Variants in CPM observed in about 807,000 individuals in gnomAD.
CPM encodes the protein renal carboxypeptidase.
In CPM, 35 loss-of-function variants were observed where a neutral mutation model predicts 46.4. The observed-to-expected ratio is 0.75, with a 90% CI of 0.58 to 1.00. CPM has a LOEUF of 1.00. CPM is among the 50% of genes least tolerant of loss of function. The probability of loss-of-function intolerance (pLI) is 0.00; values close to 1 mark genes in which losing one functional copy is unlikely to be tolerated. For missense variants in CPM, 422 were observed against 530.4 expected (o/e 0.80, Z 2.01); for synonymous variants, 195 against 195.3 (o/e 1.00, Z 0.01).
At chr12:68,890,443 T>A (rs546970144) in intron 2 of CPM, among the ~76,000 whole-genome samples, 1 of 152,142 alleles carries the variant, frequency 6.6e-6, no homozygotes, top group Non-Finnish European at 1.5e-5. Context: ...AAGCACTTTA[T>A]GTTATTTGAT....
At chr12:68,849,401 TG>T (rs66580822), downstream of CPM, 46,455 of 137,194 alleles carry the variant, frequency 0.34, 8,213 homozygotes, top group East Asian at 0.55. Flanking sequence ...TTTTTTTTTT[TG>T]TTGTTGTTGT....
chr12:68,883,741 C>G (rs913239059), intron 3 of CPM, among the ~76,000 whole-genome samples: 1 of 152,026 alleles, frequency 6.6e-6, no homozygotes. Context: ...GCTGGAACCT[C>G]TGAAATGCCA....
intron 6 of CPM, among the ~76,000 whole-genome samples, chr12:68,867,836 G>A (rs1429746201): frequency 1.3e-5 from 2 of 152,312 alleles, no homozygotes; most frequent in East Asian, 3.9e-4. Context: ...CTTTCAAAGG[G>A]TTTGTTTTAA....
intron 3 of CPM, among the ~76,000 whole-genome samples, chr12:68,883,435 C>G (rs1162763033): frequency 2.0e-5 from 3 of 152,124 alleles, no homozygotes; most frequent in African/African-American, 7.2e-5. Context: ...TTACTAGCCC[C>G]ATAGAGCCCC....
At chr12:68,953,277 G>A (rs1888964445) in intron 1 of CPM, among the ~76,000 whole-genome samples, 1 of 151,790 alleles carries the variant, frequency 6.6e-6, no homozygotes, top group Non-Finnish European at 1.5e-5. Context: ...AGGAATGGAA[G>A]AACCCAAGGA....
At chr12:68,950,854 C>T (rs1445448911) in intron 1 of CPM, among the ~76,000 whole-genome samples, 2 of 152,184 alleles carry the variant, frequency 1.3e-5, no homozygotes, top group Non-Finnish European at 2.9e-5. Context: ...AGCTCTTCCC[C>T]ACAGGCTCCA....
chr12:68,859,793 G>A (rs1289376500), intron 7 of CPM, among the ~76,000 whole-genome samples: 1 of 152,114 alleles, frequency 6.6e-6, no homozygotes, highest in Non-Finnish European at 1.5e-5. Flanking sequence ...TGATAGTCTC[G>A]ACAGCCCCTC....
chr12:68,936,653 G>A (rs1031110762), upstream of CPM, among the ~76,000 whole-genome samples: 2 of 152,106 alleles, frequency 1.3e-5, no homozygotes, highest in African/African-American at 4.8e-5. Context: ...CAGAGTGCTG[G>A]GATTACAGGT....
At chr12:68,902,768 G>A (rs1201400477) in intron 2 of CPM, among the ~76,000 whole-genome samples, 1 of 152,162 alleles carries the variant, frequency 6.6e-6, no homozygotes, top group African/African-American at 2.4e-5. Context: ...GCTTTGAACT[G>A]TGTTTTCGTT....
At chr12:68,857,699 CA>C (rs1885039248) in intron 8 of CPM, among the ~76,000 whole-genome samples, 1 of 152,204 alleles carries the variant, frequency 6.6e-6, no homozygotes, top group Admixed American at 6.5e-5. Flanking sequence ...TTTCAATGTC[CA>C]GAGTCTTACC....
intron 2 of CPM, among the ~76,000 whole-genome samples, chr12:68,887,435 A>C (rs1886480707): frequency 6.6e-6 from 1 of 152,202 alleles, no homozygotes; most frequent in Non-Finnish European, 1.5e-5. Flanking sequence ...GGAACAGCAG[A>C]TACTGGGCTT....
At position 68,855,164 on chromosome 12, in the gene CPM, C is replaced by T. The variant is rs955765406; in HGVS notation, c.*1273G>A. 6.6e-6 allele frequency: 1 copy of T among 152,128 alleles called. No individual in the cohort carries two copies. The highest frequency in any genetic ancestry group is 2.4e-5 in the African/African-American group (1 of 41,382). The allele number at this position is 152,128 out of a possible 1,614,324, so 9.4% of individuals were successfully genotyped here. A position where few individuals can be genotyped will look rare whatever the true frequency, so the allele number is the denominator to read the frequency against. ...CATGAGCCACCATGCCTGGCCAACA[C>T]CAACCTTTAGTTACTTGCTGAATAC... On this transcript the variant is annotated 3_prime_UTR_variant, in exon 9 of 9. Coordinates refer to ENST00000551568, the MANE Select transcript of CPM (RefSeq NM_198320.5).
At chr12:68,962,034 A>G (rs950664672) in intron 1 of CPM, among the ~76,000 whole-genome samples, 2 of 151,946 alleles carry the variant, frequency 1.3e-5, no homozygotes, top group African/African-American at 4.8e-5. Context: ...CCCTGTCTCC[A>G]CTGAAAATAC....
intron 2 of CPM, among the ~76,000 whole-genome samples, chr12:68,926,766 A>G (rs542976339): frequency 3.2e-4 from 49 of 150,998 alleles, no homozygotes; most frequent in African/African-American, 1.1e-3. Context: ...CCTGTGTCCA[A>G]TGTGTTCTCA....
In CPM at chr12:68,909,891, C is replaced by T. The variant is rs553166536; in HGVS notation, c.160+22787G>A. Reference sequence around the variant, plus strand: ...TAGGAGAAATACCTAATGTAGGTGACGGGTTGATGGGTGCAGCAAACCACC... The same window carrying T: ...TAGGAGAAATACCTAATGTAGGTGATGGGTTGATGGGTGCAGCAAACCACC... On this transcript the variant is annotated intron_variant, in intron 2 of 8. Coordinates refer to ENST00000551568, the MANE Select transcript of CPM (RefSeq NM_198320.5). Among the ~76,000 whole-genome samples the T allele has an allele frequency of 4.6e-4, 69 of 151,578 alleles. No individual in the cohort carries two copies. The South Asian group carries it at 5.0e-3, about 11-fold the overall frequency.
chr12:68,959,544 C>A (rs1329438439), intron 1 of CPM, among the ~76,000 whole-genome samples: 1 of 152,186 alleles, frequency 6.6e-6, no homozygotes, highest in East Asian at 1.9e-4. Flanking sequence ...AGGACAAATA[C>A]ATTATAATGA....
intron 2 of CPM, among the ~76,000 whole-genome samples, chr12:68,894,125 C>T (rs533799656): frequency 6.6e-6 from 1 of 152,316 alleles, no homozygotes; most frequent in South Asian, 2.1e-4. Context: ...CATATACACC[C>T]TAGTCACTCT....
At chr12:68,884,516 A>G (rs1398423738) in intron 3 of CPM, among the ~76,000 whole-genome samples, 1 of 152,204 alleles carries the variant, frequency 6.6e-6, no homozygotes, top group East Asian at 1.9e-4. Context: ...AAGCCAGAAC[A>G]GGAAGCTCAG....
At chr12:68,931,763 A>AAGAAAG (rs1888514928) in intron 2 of CPM, among the ~76,000 whole-genome samples, 4 of 132,504 alleles carry the variant, frequency 3.0e-5, no homozygotes, top group Admixed American at 7.6e-5. Context: ...AAAAAAAAAA[A>AAGAAAG]AAAGAAAGAA....
Sources: gnomAD v4.1 joint callset for allele counts (sites outside exome capture counted in the v4.1 genomes callset) on GRCh38, gnomAD v4.1.1 for gene constraint, MANE v1.5 for transcripts, NCBI Gene and HGNC (gene_info 2026-07-23, HGNC 2026-07-21) for gene names.